CDH13: variants seen among roughly 807,000 people sequenced by gnomAD.
CDH13 encodes cadherin 13, also known as cadherin-13.
Under a neutral mutation model 63.8 loss-of-function variants are expected in CDH13, and 24 were observed. The ratio of observed to expected loss-of-function variants is 0.38; its 90% CI spans 0.27 to 0.53. CDH13 has a LOEUF of 0.53. Ranked by LOEUF, CDH13 falls within the 20% of genes least tolerant of loss-of-function variation. CDH13 has a pLI of 0.85. For missense variants in CDH13, 1,049 were observed against 903.1 expected (o/e 1.16, Z -2.07); for synonymous variants, 503 against 355.3 (o/e 1.42, Z -4.67).
At chr16:83,073,344 TGTGTGTGTGTGAGAGAGAGAGA>T (rs1206006856) in intron 3 of CDH13, among the ~76,000 whole-genome samples, 10 of 133,802 alleles carry the variant, frequency 7.5e-5, no homozygotes, top group East Asian at 2.0e-4. Context: ...TGTGTGTGTG[TGTGTGTGTGTGAGAGAGAGAGA>T]GAGAGAGAGA....
chr16:83,014,790 T>G lies in CDH13; in HGVS notation c.158-17220T>G, dbSNP rs11864585. ...TATATATATATGTATATATATATATTTGTATATATATATGTATATATATTT... is the reference window on the plus strand; with the variant it reads ...TATATATATATGTATATATATATATGTGTATATATATATGTATATATATTT... On this transcript the variant is annotated intron_variant, in intron 2 of 13. Coordinates refer to ENST00000567109, the MANE Select transcript of CDH13 (RefSeq NM_001257.5). 5.2e-5 allele frequency among the ~76,000 whole-genome samples: 3 copies of G among 57,584 alleles called. 1 individual carries two copies. Among genetic ancestry groups the G allele is most frequent in the Non-Finnish European group, 1.0e-4 (3 of 29,022 alleles). 37.8% of individuals were successfully genotyped at this position (57,584 alleles called of 152,430 possible). A position where few individuals can be genotyped will look rare whatever the true frequency, so the allele number is the denominator to read the frequency against.
At position 83,244,073 on chromosome 16, in the gene CDH13, AGG is replaced by A. The variant is rs201426754; in HGVS notation, c.636+26577_636+26578del. On this transcript the variant is annotated intron_variant, in intron 5 of 13. Transcript: ENST00000567109. ...TGCCACCAAAATTAGAAACATACAT[AGG>A]TGTCGAGCTTTCTGCTTGGTGAAGG... Among the ~76,000 whole-genome samples, 67 of 151,950 alleles carry A rather than the reference AGG, an allele frequency of 4.4e-4. 1 individual carries two copies. In the East Asian group the frequency reaches 0.011, roughly 24 times the overall value.
intron 7 of CDH13, among the ~76,000 whole-genome samples, chr16:83,530,418 G>T (rs1183125427): frequency 6.6e-6 from 1 of 152,116 alleles, no homozygotes; most frequent in Non-Finnish European, 1.5e-5. Flanking sequence ...AAGTTGCTTC[G>T]TAGTCACGGA....
At chr16:82,639,394 C>T (rs1909105027) in intron 1 of CDH13, 10 of 1,535,606 alleles carry the variant, frequency 6.5e-6, no homozygotes, top group South Asian at 1.2e-5. Context: ...ATGGTTCCCC[C>T]AGCAAGAACA....
chr16:82,820,267 A>G (rs112947306), intron 1 of CDH13, among the ~76,000 whole-genome samples: 184 of 152,350 alleles, frequency 1.2e-3, no homozygotes, highest in African/African-American at 4.2e-3. Context: ...AGACTGGCAC[A>G]CAATGGGTAC....
chr16:83,532,660 A>C (rs2075106242), intron 7 of CDH13, among the ~76,000 whole-genome samples: 1 of 152,190 alleles, frequency 6.6e-6, no homozygotes, highest in Non-Finnish European at 1.5e-5. Flanking sequence ...CTTCCTCTGC[A>C]ATCTCTGCAG....
chr16:83,293,984 G>T (rs1231407860), intron 5 of CDH13, among the ~76,000 whole-genome samples: 1 of 152,148 alleles, frequency 6.6e-6, no homozygotes, highest in Non-Finnish European at 1.5e-5. Context: ...AGGAGGAGAA[G>T]ATTGAAAAAA....
intron 5 of CDH13, among the ~76,000 whole-genome samples, chr16:83,254,963 C>CG (rs1906052416): frequency 6.5e-4 from 3 of 4,600 alleles, no homozygotes; most frequent in Admixed American, 7.6e-3. Flanking sequence ...TTCTTTCTTT[C>CG]TTTCTTTCTT....
At chr16:82,704,932 G>A (rs760321149) in intron 1 of CDH13, 6 of 327,610 alleles carry the variant, frequency 1.8e-5, no homozygotes, top group African/African-American at 6.5e-5. Context: ...AATCAAGCCC[G>A]GGATATTGAC....
chr16:83,135,934 C>T (rs7203723), intron 4 of CDH13, among the ~76,000 whole-genome samples: 3,895 of 152,180 alleles, frequency 0.026, 125 homozygotes, highest in African/African-American at 0.087. Flanking sequence ...GAAAACCAAA[C>T]ATCATATGTC....
intron 6 of CDH13, among the ~76,000 whole-genome samples, chr16:83,472,665 A>G (rs2073486958): frequency 1.3e-5 from 2 of 152,212 alleles, no homozygotes; most frequent in Non-Finnish European, 2.9e-5. Context: ...GAACATTGCA[A>G]TCTGGAAAAG....
chr16:82,628,453 C>T (rs1404375101), intron 1 of CDH13, among the ~76,000 whole-genome samples: 1 of 152,046 alleles, frequency 6.6e-6, no homozygotes, highest in Admixed American at 6.5e-5. Context: ...CTAAGGGAGA[C>T]CACTGTTAGA....
chr16:83,555,456 A>G (rs1248998084), intron 7 of CDH13, among the ~76,000 whole-genome samples: 1 of 152,212 alleles, frequency 6.6e-6, no homozygotes, highest in Non-Finnish European at 1.5e-5. Flanking sequence ...CTTAAAAGAC[A>G]TCTTTTTATA....
At chr16:83,176,418 G>T (rs376823935) in intron 4 of CDH13, among the ~76,000 whole-genome samples, 1 of 149,124 alleles carries the variant, frequency 6.7e-6, no homozygotes, top group African/African-American at 2.5e-5. Flanking sequence ...GCTGAGGCAG[G>T]AGAATTGCTT....
At chr16:83,165,662 A>C (rs7194704) in intron 4 of CDH13, among the ~76,000 whole-genome samples, 1 of 152,030 alleles carries the variant, frequency 6.6e-6, no homozygotes, top group Non-Finnish European at 1.5e-5. Context: ...GAAGCAAATA[A>C]CAGTGACATA....
intron 11 of CDH13, among the ~76,000 whole-genome samples, chr16:83,777,883 A>G (rs1230097642): frequency 2.0e-5 from 3 of 152,238 alleles, no homozygotes; most frequent in Non-Finnish European, 2.9e-5. Flanking sequence ...TTAGAAAAAT[A>G]AAAGAAAGCC....
chr16:83,180,551 C>T (rs2038310197), intron 4 of CDH13, among the ~76,000 whole-genome samples: 1 of 152,182 alleles, frequency 6.6e-6, no homozygotes, highest in African/African-American at 2.4e-5. Flanking sequence ...AGTGTCCCAT[C>T]ATTTAAGATT....
intron 1 of CDH13, among the ~76,000 whole-genome samples, chr16:82,767,288 C>T (rs994086893): frequency 9.2e-5 from 14 of 152,196 alleles, no homozygotes; most frequent in African/African-American, 2.4e-4. Flanking sequence ...AAGCCTCTTC[C>T]GAGTCAATTC....
At chr16:82,852,771 G>T (rs1454332067) in intron 1 of CDH13, among the ~76,000 whole-genome samples, 13 of 152,202 alleles carry the variant, frequency 8.5e-5, no homozygotes, top group African/African-American at 2.7e-4. Context: ...AGGAAAGCTT[G>T]GAGAGGGGCA....
Sources: allele counts gnomAD v4.1 joint callset (sites outside exome capture counted in the v4.1 genomes callset), GRCh38; gene constraint gnomAD v4.1.1; transcripts MANE v1.5; gene names NCBI Gene and HGNC (gene_info 2026-07-23, HGNC 2026-07-21).